MTHFD1: variants seen among roughly 807,000 people sequenced by gnomAD.
MTHFD1 encodes methylenetetrahydrofolate dehydrogenase, cyclohydrolase and formyltetrahydrofolate synthetase 1.
A neutral mutation model predicts 110.3 loss-of-function variants in MTHFD1; 44 were observed. The observed-to-expected ratio is 0.40, with a 90% CI of 0.31 to 0.51. The LOEUF is 0.51. Ranked by LOEUF, MTHFD1 falls within the 20% of genes least tolerant of loss-of-function variation. MTHFD1 has a pLI of 0.60. For synonymous variants in MTHFD1, 402 were observed against 428.8 expected, an observed-to-expected ratio of 0.94 and a Z score of 0.77; for missense variants, 909 against 1,173.1, an observed-to-expected ratio of 0.77 and a Z score of 3.29.
chr14:64,437,706 A>T (rs1278348226), intron 16 of MTHFD1, among the ~76,000 whole-genome samples: 2 of 152,174 alleles, frequency 1.3e-5, no homozygotes, highest in African/African-American at 4.8e-5. Flanking sequence ...GCTCAGGTTC[A>T]TTTGCTAGAA....
intron 8 of MTHFD1, among the ~76,000 whole-genome samples, chr14:64,424,413 G>A (rs1051108625): frequency 3.9e-5 from 6 of 152,196 alleles, no homozygotes; most frequent in African/African-American, 1.4e-4. Flanking sequence ...AACGATATCT[G>A]GCAGCTGTGA....
At chr14:64,456,186 G>T (rs1044027095) in intron 26 of MTHFD1, among the ~76,000 whole-genome samples, 1 of 150,688 alleles carries the variant, frequency 6.6e-6, no homozygotes, top group Non-Finnish European at 1.5e-5. Flanking sequence ...CAGGCTGTAA[G>T]GTGGAGAGAG....
At chr14:64,427,839 A>G (rs2078129665) in intron 12 of MTHFD1, among the ~76,000 whole-genome samples, 1 of 152,236 alleles carries the variant, frequency 6.6e-6, no homozygotes, top group African/African-American at 2.4e-5. Context: ...CTTGTTGGGA[A>G]TAAGAAAAGC....
intron 19 of MTHFD1, chr14:64,441,758 A>T (rs181485144): frequency 9.1e-6 from 5 of 548,424 alleles, no homozygotes; most frequent in African/African-American, 1.9e-5. Flanking sequence ...AGCCGAGATC[A>T]CGCCACTGCA....
At chr14:64,442,726 C>A (rs1328897822) in intron 21 of MTHFD1, among the ~76,000 whole-genome samples, 1 of 152,192 alleles carries the variant, frequency 6.6e-6, no homozygotes, top group Non-Finnish European at 1.5e-5. Context: ...CTTTTTAAAT[C>A]TGCATCCCTC....
intron 27 of MTHFD1, chr14:64,458,604 C>T: frequency 2.3e-6 from 1 of 433,762 alleles, no homozygotes; most frequent in Non-Finnish European, 4.3e-6. Context: ...AGAGGTTAGA[C>T]TCCCTCTGCT....
At chr14:64,428,159 G>A in intron 12 of MTHFD1, among the ~76,000 whole-genome samples, 1 of 143,586 alleles carries the variant, frequency 7.0e-6, no homozygotes, top group Non-Finnish European at 1.5e-5. Flanking sequence ...TGTCGCCCAG[G>A]CTGGAATGCA....
Position 64,439,151 on chromosome 14 carries a change from G to T in MTHFD1, c.1653G>T (p.Thr551=), listed in dbSNP as rs746125112. The change falls in exon 17 of 28, where the codon ACG becomes ACT. Residue 551 remains threonine (T), a synonymous_variant. Coordinates refer to ENST00000652337, the MANE Select transcript of MTHFD1 (RefSeq NM_005956.4). ...AGATCACGATTGGACAGGCTCCAAC[G>T]GAGAAGGGTCACACACGGACGGTAA... ...LRKITIGQAP[T]EKGHTRTAQF... 1.2e-6 allele frequency: 2 copies of T among 1,613,920 alleles called. No individual in the cohort carries two copies. The highest frequency in any genetic ancestry group is 1.7e-6 in the Non-Finnish European group (2 of 1,179,822).
chr14:64,446,794 G>A (rs370454598), intron 22 of MTHFD1, among the ~76,000 whole-genome samples: 59 of 152,190 alleles, frequency 3.9e-4, no homozygotes, highest in African/African-American at 1.4e-3. Context: ...CACCCGCCTC[G>A]GCCTCCCAAA....
chr14:64,441,984 A>G (rs1054348180), intron 19 of MTHFD1, 70 bp from the exon 20 acceptor site: 1 of 979,826 alleles, frequency 1.0e-6, no homozygotes, highest in African/African-American at 1.6e-5. Flanking sequence ...TCAATTCCAT[A>G]CCGTTGAATG....
chr14:64,407,509 C>T (rs1390103393), intron 2 of MTHFD1, among the ~76,000 whole-genome samples: 3 of 149,716 alleles, frequency 2.0e-5, no homozygotes, highest in African/African-American at 4.9e-5. Context: ...AATACAGCCT[C>T]AGCCCCATAG....
chr14:64,444,202 T>C (rs776750315), intron 21 of MTHFD1, among the ~76,000 whole-genome samples: 155 of 152,140 alleles, frequency 1.0e-3, no homozygotes, highest in Non-Finnish European at 1.9e-3. Flanking sequence ...TTGTTTTCCC[T>C]CTTGTTTGTA....
At position 64,442,154 on chromosome 14, in the gene MTHFD1, A is replaced by G. The variant is rs1038435878; in HGVS notation, c.1985A>G (p.Glu662Gly). ...ATCGCACTCAAGCTTGTTGGCCCAG[A>G]AGGGTTTGTAGGTTAGTGTTTTTTG... ...DRIALKLVGP[E>G]GFVVTEAGFG... Residue 662 changes from glutamate (E) to glycine (G), a missense_variant, in exon 20 of 28, where the codon GAA becomes GGA. Physicochemically the swap from Glu to Gly is moderately conservative, Grantham distance 98. Around this residue, in one of 3 missense-constraint regions of MTHFD1, gnomAD observed 482 missense variants for 646.0 expected, o/e 0.75. Transcript: ENST00000652337. 6 of 1,613,926 alleles carry G rather than the reference A, an allele frequency of 3.7e-6. No individual in the cohort carries two copies. In the African/African-American group the frequency reaches 8.0e-5, roughly 22 times the overall value.
intron 1 of MTHFD1, 133 bp downstream of exon 1, chr14:64,388,601 T>A (rs1265411648): frequency 1.2e-6 from 1 of 822,694 alleles, no homozygotes; most frequent in Non-Finnish European, 2.1e-6. Flanking sequence ...CCTGAAGACC[T>A]GCAGCCAAAG....
chr14:64,438,887 C>A (rs920148623), intron 16 of MTHFD1, among the ~76,000 whole-genome samples: 3 of 152,222 alleles, frequency 2.0e-5, no homozygotes, highest in Non-Finnish European at 2.9e-5. Flanking sequence ...AGCCATTCCA[C>A]ATTCCTTTGC....
chr14:64,406,917 A>T (rs1231139952), intron 2 of MTHFD1, among the ~76,000 whole-genome samples: 13 of 152,188 alleles, frequency 8.5e-5, no homozygotes, highest in African/African-American at 3.1e-4. Context: ...TCATGCTCAA[A>T]GATCTTGGGT....
chr14:64,454,904 G>C lies in MTHFD1; in HGVS notation c.2718+29G>C, dbSNP rs759212330. On this transcript the variant is annotated intron_variant, in intron 26 of 27. Coordinates refer to ENST00000652337, the MANE Select transcript of MTHFD1 (RefSeq NM_005956.4). ...AGTGCATGCTGCAAGGGAGTAGTGG[G>C]CGCATCTGCACTTCTCGTCTGAAGT... 4 of 1,612,202 alleles carry C rather than the reference G, an allele frequency of 2.5e-6. No homozygotes were observed. The Admixed American group carries it at 6.7e-5, about 27-fold the overall frequency.
At chr14:64,432,482 T>A (rs1453335270) in intron 15 of MTHFD1, among the ~76,000 whole-genome samples, 1 of 152,262 alleles carries the variant, frequency 6.6e-6, no homozygotes, top group Non-Finnish European at 1.5e-5. Context: ...TCTAAATGTC[T>A]TTCATTGGAT....
chr14:64,398,748 G>A (rs1028384077), intron 1 of MTHFD1, among the ~76,000 whole-genome samples: 1 of 152,178 alleles, frequency 6.6e-6, no homozygotes, highest in Non-Finnish European at 1.5e-5. Context: ...TGAAGGAAGA[G>A]CTGTTTGTGA....
Sources: gnomAD v4.1 joint callset for allele counts (sites outside exome capture counted in the v4.1 genomes callset) on GRCh38, gnomAD v4.1.1 for gene constraint, gnomAD v4.1.1 regional missense constraint, MANE v1.5 for transcripts, NCBI Gene and HGNC (gene_info 2026-07-23, HGNC 2026-07-21) for gene names.